Variants in LRP1B observed in about 807,000 individuals in gnomAD.
LRP1B encodes the protein LDL receptor related protein 1B, also known as low-density lipoprotein receptor-related protein 1B.
LRP1B carries 217 observed loss-of-function variants against 556.6 expected under a neutral mutation model. That is an observed-to-expected ratio of 0.39 (90% confidence interval 0.35 to 0.44). The LOEUF is 0.44. Ranked by LOEUF, LRP1B falls within the 20% of genes least tolerant of loss-of-function variation. LRP1B has a pLI of 1.00. For missense variants in LRP1B, 5,053 were observed against 5,620.8 expected (o/e 0.90, Z 3.23); for synonymous variants, 2,047 against 1,865.8 (o/e 1.10, Z -2.50).
intron 31 of LRP1B, among the ~76,000 whole-genome samples, chr2:140,824,075 T>C (rs1479019705): frequency 1.3e-5 from 2 of 151,618 alleles, no homozygotes; most frequent in African/African-American, 4.8e-5. Flanking sequence ...CCTTCACATG[T>C]ACCTCTGAAC....
At chr2:141,808,018 G>C (rs1696218342) in intron 2 of LRP1B, among the ~76,000 whole-genome samples, 1 of 151,978 alleles carries the variant, frequency 6.6e-6, no homozygotes, top group Admixed American at 6.6e-5. Flanking sequence ...TGACTACACA[G>C]GTTACTAGTG....
At chr2:140,756,122 G>C (rs73961470) in intron 35 of LRP1B, among the ~76,000 whole-genome samples, 4,693 of 151,922 alleles carry the variant, frequency 0.031, 229 homozygotes, top group African/African-American at 0.11. Flanking sequence ...TAGAAATAAA[G>C]TTAAAGAAAT....
At chr2:141,588,909 C>A (rs1051146999) in intron 2 of LRP1B, among the ~76,000 whole-genome samples, 2 of 152,090 alleles carry the variant, frequency 1.3e-5, no homozygotes, top group African/African-American at 4.8e-5. Flanking sequence ...AAAAATAAGA[C>A]AACAGGTCCA....
At chr2:141,653,246 T>C (rs1331798461) in intron 2 of LRP1B, among the ~76,000 whole-genome samples, 1 of 152,162 alleles carries the variant, frequency 6.6e-6, no homozygotes, top group African/African-American at 2.4e-5. Flanking sequence ...AGCTATGCCA[T>C]TTTTCTCAAT....
intron 41 of LRP1B, among the ~76,000 whole-genome samples, chr2:140,659,111 T>G (rs1009895737): frequency 1.4e-5 from 2 of 138,102 alleles, no homozygotes; most frequent in African/African-American, 3.0e-5. Context: ...TTTTTTTTTT[T>G]TTTTTTTTTT....
Position 141,288,888 on chromosome 2 carries a change from T to G in LRP1B, c.344-34247A>C, listed in dbSNP as rs184005857. Reference sequence around the variant, plus strand: ...ATAGCGATCCCTACTGTGGTGCAGTTCTAAGCTTTATTCCCACTAGAAAGT... The same window carrying G: ...ATAGCGATCCCTACTGTGGTGCAGTGCTAAGCTTTATTCCCACTAGAAAGT... On this transcript the variant is annotated intron_variant, in intron 3 of 90. Coordinates refer to ENST00000389484, the MANE Select transcript of LRP1B (RefSeq NM_018557.3). 3.6e-3 allele frequency among the ~76,000 whole-genome samples: 555 copies of G among 152,256 alleles called. 2 individuals carry two copies. The highest frequency in any genetic ancestry group is 5.5e-3 in the Non-Finnish European group (376 of 68,008).
At chr2:141,389,687 C>T (rs1208626017) in intron 3 of LRP1B, among the ~76,000 whole-genome samples, 3 of 151,876 alleles carry the variant, frequency 2.0e-5, no homozygotes, top group African/African-American at 4.8e-5. Context: ...ACCAAGAAAG[C>T]GAAAAAGCAA....
intron 20 of LRP1B, among the ~76,000 whole-genome samples, chr2:140,942,910 T>C (rs1000629713): frequency 1.3e-5 from 2 of 152,214 alleles, no homozygotes; most frequent in Admixed American, 6.6e-5. Context: ...AGCACCATGA[T>C]AGAACGAAAA....
chr2:141,480,148 A>G (rs1266603001), intron 3 of LRP1B, among the ~76,000 whole-genome samples: 4 of 146,850 alleles, frequency 2.7e-5, no homozygotes, highest in South Asian at 2.2e-4. Flanking sequence ...GCCCAACTTC[A>G]AAGTCTAAAT....
At chr2:140,718,046 A>T (rs980662954) in intron 35 of LRP1B, among the ~76,000 whole-genome samples, 2 of 152,108 alleles carry the variant, frequency 1.3e-5, no homozygotes, top group African/African-American at 4.8e-5. Flanking sequence ...AACAAAAATA[A>T]ATCTTATTTT....
At chr2:141,378,548 A>G (rs973397366) in intron 3 of LRP1B, among the ~76,000 whole-genome samples, 7 of 152,080 alleles carry the variant, frequency 4.6e-5, no homozygotes, top group Non-Finnish European at 8.8e-5. Context: ...TGCCTGTTGT[A>G]CCAGCTACTC....
chr2:140,638,991 A>G (rs1449666560), intron 41 of LRP1B, among the ~76,000 whole-genome samples: 1 of 152,140 alleles, frequency 6.6e-6, no homozygotes, highest in Non-Finnish European at 1.5e-5. Context: ...CGAGAAAAAA[A>G]AATGGGATAT....
intron 86 of LRP1B, among the ~76,000 whole-genome samples, chr2:140,248,114 G>T (rs954688369): frequency 9.2e-5 from 14 of 151,638 alleles, no homozygotes; most frequent in African/African-American, 2.9e-4. Flanking sequence ...CAGTGTCTCT[G>T]CCAATTCGGG....
At position 141,865,608 on chromosome 2, in the gene LRP1B, G is replaced by GAA. The variant is rs369023076; in HGVS notation, c.83-55209_83-55208dup. On this transcript the variant is annotated intron_variant, in intron 1 of 90. Coordinates refer to ENST00000389484, the MANE Select transcript of LRP1B (RefSeq NM_018557.3). ...CTCCGTCTCAAAAAAAAAAAAAAAA[G>GAA]AAAAAAAAAAAGAAAAAAAGACAGA... Among the ~76,000 whole-genome samples the GAA allele has an allele frequency of 4.3e-3, 541 of 126,984 alleles. 2 individuals carry two copies. Among genetic ancestry groups the GAA allele is most frequent in the African/African-American group, 0.013 (406 of 32,364 alleles). The allele number at this position is 126,984 out of a possible 152,430, so 83.3% of individuals were successfully genotyped here. A position where few individuals can be genotyped will look rare whatever the true frequency, so the allele number is the denominator to read the frequency against.
At chr2:141,811,406 G>A (rs1233274264) in intron 1 of LRP1B, among the ~76,000 whole-genome samples, 3 of 151,466 alleles carry the variant, frequency 2.0e-5, no homozygotes, top group Non-Finnish European at 2.9e-5. Context: ...AAAGCATTAG[G>A]CCATAACTTA....
At chr2:140,640,580 A>G (rs895195402) in intron 41 of LRP1B, among the ~76,000 whole-genome samples, 1 of 148,780 alleles carries the variant, frequency 6.7e-6, no homozygotes, top group Non-Finnish European at 1.5e-5. Flanking sequence ...TATTTTTAGT[A>G]GAGACAGGGT....
chr2:141,002,490 C>T (rs534268261), intron 15 of LRP1B, among the ~76,000 whole-genome samples: 1 of 152,140 alleles, frequency 6.6e-6, no homozygotes, highest in South Asian at 2.1e-4. Context: ...ATACTCACAT[C>T]CTTTATATAA....
intron 11 of LRP1B, among the ~76,000 whole-genome samples, chr2:141,035,736 T>G (rs2204472): frequency 0.41 from 62,833 of 151,852 alleles, 13,269 homozygotes; most frequent in East Asian, 0.59. Context: ...CCACTGCTAC[T>G]TTTATTTTTT....
At chr2:140,838,561 A>C (rs1027759354) in intron 31 of LRP1B, among the ~76,000 whole-genome samples, 4 of 152,196 alleles carry the variant, frequency 2.6e-5, no homozygotes, top group African/African-American at 9.6e-5. Context: ...AATCATCACT[A>C]TGAAAAATGT....
Sources: allele counts gnomAD v4.1 joint callset (sites outside exome capture counted in the v4.1 genomes callset), GRCh38; gene constraint gnomAD v4.1.1; transcripts MANE v1.5; gene names NCBI Gene and HGNC (gene_info 2026-07-23, HGNC 2026-07-21).